SLX4IP: variants seen among roughly 807,000 people sequenced by gnomAD.
SLX4IP encodes the protein protein SLX4IP.
A neutral mutation model predicts 32.9 loss-of-function variants in SLX4IP; 34 were observed. The ratio of observed to expected loss-of-function variants is 1.03; its 90% CI spans 0.79 to 1.38. The LOEUF is 1.38. Ranked by LOEUF, SLX4IP falls within the 40% of genes most tolerant of loss-of-function variation. The pLI is 0.00. For missense variants in SLX4IP, 444 were observed against 479.0 expected, an observed-to-expected ratio of 0.93 and a Z score of 0.68; for synonymous variants, 172 against 171.7, an observed-to-expected ratio of 1.00 and a Z score of -0.01.
At chr20:10,579,228 T>G (rs908122789) in intron 4 of SLX4IP, among the ~76,000 whole-genome samples, 6 of 152,172 alleles carry the variant, frequency 3.9e-5, no homozygotes, top group African/African-American at 1.2e-4. Flanking sequence ...CATTTTGAGT[T>G]AATTTCATAT....
chr20:10,567,537 T>C (rs687963), intron 4 of SLX4IP, among the ~76,000 whole-genome samples: 89,756 of 151,910 alleles, frequency 0.59, 26,912 homozygotes, highest in South Asian at 0.75. Flanking sequence ...CTTGGACTTC[T>C]CATCCTCCAC....
At chr20:10,470,221 T>C (rs140821754) in intron 2 of SLX4IP, among the ~76,000 whole-genome samples, 25 of 152,320 alleles carry the variant, frequency 1.6e-4, no homozygotes, top group African/African-American at 4.8e-4. Context: ...CCTTTCCTTT[T>C]TGTTATTATT....
chr20:10,522,180 T>G (rs1028297233), intron 2 of SLX4IP, among the ~76,000 whole-genome samples: 1 of 152,252 alleles, frequency 6.6e-6, no homozygotes, highest in African/African-American at 2.4e-5. Flanking sequence ...ATGTCTGTTT[T>G]GATCTTCTGC....
chr20:10,563,391 A>G (rs552330211), intron 4 of SLX4IP, among the ~76,000 whole-genome samples: 1 of 152,310 alleles, frequency 6.6e-6, no homozygotes, highest in South Asian at 2.1e-4. Context: ...TTTGCTGTAT[A>G]GAAGATTTTT....
chr20:10,572,252 A>G (rs1320528283), intron 4 of SLX4IP, among the ~76,000 whole-genome samples: 2 of 151,246 alleles, frequency 1.3e-5, no homozygotes, highest in East Asian at 1.9e-4. Flanking sequence ...CCACATGAAA[A>G]CTCCACTGTC....
At chr20:10,540,093 T>TC (rs1431373089) in intron 2 of SLX4IP, among the ~76,000 whole-genome samples, 2 of 69,608 alleles carry the variant, frequency 2.9e-5, no homozygotes, top group Non-Finnish European at 6.3e-5. Context: ...TCTCCTTCCT[T>TC]CCTTTCCTTC....
intron 2 of SLX4IP, among the ~76,000 whole-genome samples, chr20:10,522,632 T>G (rs1274454876): frequency 6.6e-6 from 1 of 152,192 alleles, no homozygotes; most frequent in African/African-American, 2.4e-5. Context: ...CTTACCCTCA[T>G]TAAAATGCCC....
intron 4 of SLX4IP, among the ~76,000 whole-genome samples, chr20:10,576,608 C>T (rs185128878): frequency 2.1e-4 from 32 of 152,172 alleles, no homozygotes; most frequent in Admixed American, 2.0e-3. Flanking sequence ...CATGATCTCA[C>T]GCATAAAAAA....
At chr20:10,524,316 A>AG (rs2065924734) in intron 2 of SLX4IP, among the ~76,000 whole-genome samples, 1 of 152,244 alleles carries the variant, frequency 6.6e-6, no homozygotes, top group Admixed American at 6.5e-5. Context: ...GACTCTTCTC[A>AG]GGCTCTGTTT....
chr20:10,443,742 GA>G (rs1410718411), intron 1 of SLX4IP, among the ~76,000 whole-genome samples: 1 of 152,170 alleles, frequency 6.6e-6, no homozygotes, highest in Non-Finnish European at 1.5e-5. Flanking sequence ...CCCAGTGTTG[GA>G]GGAGGGGCCT....
rs1436782735 is a variant in SLX4IP, at chr20:10,518,382, TCCTTCTTC to T, written c.28-37847_28-37840del. ...TTCTTTCTTTCTCTCTCTCTTTCTT[TCCTTCTTC>T]CTTTCTTTCTTTCTTTCCTTCCTTC... On this transcript the variant is annotated intron_variant, in intron 2 of 7. Coordinates refer to ENST00000334534, the MANE Select transcript of SLX4IP (RefSeq NM_001009608.3). Among the ~76,000 whole-genome samples the T allele has an allele frequency of 1.9e-3, 282 of 149,850 alleles. 1 individual carries two copies. The highest frequency in any genetic ancestry group is 3.0e-3 in the Non-Finnish European group (205 of 67,346).
intron 2 of SLX4IP, among the ~76,000 whole-genome samples, chr20:10,468,263 C>G (rs1412865868): frequency 6.6e-6 from 1 of 152,146 alleles, no homozygotes; most frequent in Non-Finnish European, 1.5e-5. Flanking sequence ...GAAATTCAAG[C>G]CTTTATTGTC....
At chr20:10,512,778 CTATATATATATATATATATATATATATA>C (rs57942782) in intron 2 of SLX4IP, among the ~76,000 whole-genome samples, 9 of 25,658 alleles carry the variant, frequency 3.5e-4, no homozygotes, top group East Asian at 1.1e-3. Flanking sequence ...CACACACACT[CTATATATATATATATATATATATATATA>C]TATATATATA....
intron 2 of SLX4IP, among the ~76,000 whole-genome samples, chr20:10,527,111 G>C (rs1334989542): frequency 6.6e-6 from 1 of 152,138 alleles, no homozygotes; most frequent in Non-Finnish European, 1.5e-5. Context: ...TCAGTATTTT[G>C]CTGGTTCATT....
intron 1 of SLX4IP, among the ~76,000 whole-genome samples, chr20:10,452,961 T>C (rs1200012408): frequency 6.6e-6 from 1 of 152,086 alleles, no homozygotes; most frequent in Admixed American, 6.6e-5. Context: ...GCTATTGTGG[T>C]TGTTATTGTT....
chr20:10,472,217 A>G (rs2065429956), intron 2 of SLX4IP, among the ~76,000 whole-genome samples: 1 of 144,584 alleles, frequency 6.9e-6, no homozygotes. Context: ...CAAACTCTAC[A>G]TTTCCGTAAT....
intron 2 of SLX4IP, among the ~76,000 whole-genome samples, chr20:10,471,928 C>A (rs1040524363): frequency 6.6e-6 from 1 of 152,122 alleles, no homozygotes; most frequent in Admixed American, 6.5e-5. Context: ...ATCTAGCTTC[C>A]CCAGAGCACA....
chr20:10,518,490 T>TC (rs1568720310), intron 2 of SLX4IP, among the ~76,000 whole-genome samples: 81 of 65,892 alleles, frequency 1.2e-3, no homozygotes, highest in Non-Finnish European at 1.7e-3. Context: ...TTCCTTTCCT[T>TC]TTCCTTCCTT....
intron 4 of SLX4IP, among the ~76,000 whole-genome samples, chr20:10,563,152 T>C (rs927420957): frequency 2.0e-4 from 31 of 152,274 alleles, no homozygotes; most frequent in African/African-American, 7.5e-4. Flanking sequence ...TGCATTTCCC[T>C]GATGATTAAT....
Sources: gnomAD v4.1 joint callset for allele counts (sites outside exome capture counted in the v4.1 genomes callset) on GRCh38, gnomAD v4.1.1 for gene constraint, MANE v1.5 for transcripts, NCBI Gene and HGNC (gene_info 2026-07-23, HGNC 2026-07-21) for gene names.